USP32: variants seen among roughly 807,000 people sequenced by gnomAD.
USP32 encodes ubiquitin carboxyl-terminal hydrolase 32.
A neutral mutation model predicts 204.8 loss-of-function variants in USP32; 59 were observed. The observed-to-expected ratio is 0.29, with a 90% CI of 0.23 to 0.36. The LOEUF (loss-of-function observed/expected upper bound fraction) is 0.36, where lower values mean the gene tolerates loss of function less well. Among genes scored for constraint, USP32 ranks in the 10% least tolerant of loss-of-function variants. The probability of loss-of-function intolerance (pLI) is 1.00; values close to 1 mark genes in which losing one functional copy is unlikely to be tolerated. For missense variants in USP32, 1,160 were observed against 1,946.4 expected, an observed-to-expected ratio of 0.60 and a Z score of 7.60; for synonymous variants, 517 against 678.4, an observed-to-expected ratio of 0.76 and a Z score of 3.70.
chr17:60,365,083 G>A (rs963712014), intron 1 of USP32, among the ~76,000 whole-genome samples: 13 of 152,112 alleles, frequency 8.5e-5, no homozygotes, highest in Non-Finnish European at 1.5e-4. Context: ...AAAAGGGAAA[G>A]TTTTTTTTAA....
intron 5 of USP32, among the ~76,000 whole-genome samples, chr17:60,287,895 C>T (rs758432644): frequency 1.1e-4 from 16 of 151,952 alleles, no homozygotes; most frequent in Non-Finnish European, 2.1e-4. Context: ...GTGTGGATCA[C>T]GAGGTCAGGA....
chr17:60,332,289 A>G (rs2088407458), intron 2 of USP32, among the ~76,000 whole-genome samples: 1 of 151,900 alleles, frequency 6.6e-6, no homozygotes, highest in South Asian at 2.1e-4. Flanking sequence ...CGGTTTTGTC[A>G]TGCATATATA....
intron 1 of USP32, among the ~76,000 whole-genome samples, chr17:60,375,178 C>T (rs1277934745): frequency 6.6e-6 from 1 of 151,914 alleles, no homozygotes; most frequent in Non-Finnish European, 1.5e-5. Context: ...TATGAAGCTC[C>T]CTCCTTCTCT....
chr17:60,292,425 C>A (rs1307779426), intron 4 of USP32, among the ~76,000 whole-genome samples: 1 of 152,152 alleles, frequency 6.6e-6, no homozygotes, highest in East Asian at 1.9e-4. Flanking sequence ...AGTGTAATTA[C>A]AACTTTCTTG....
At chr17:60,181,184 T>G in intron 32 of USP32, 140 bp downstream of exon 32, 2 of 1,167,338 alleles carry the variant, frequency 1.7e-6, no homozygotes, top group Non-Finnish European at 2.4e-6. Context: ...AGGCCAAGAT[T>G]TCTGTGTTAA....
chr17:60,339,286 C>T (rs1305304708), intron 2 of USP32, among the ~76,000 whole-genome samples: 1 of 151,842 alleles, frequency 6.6e-6, no homozygotes, highest in Non-Finnish European at 1.5e-5. Context: ...CACATAAGTG[C>T]TAAAAGGTAT....
intron 1 of USP32, among the ~76,000 whole-genome samples, chr17:60,351,955 A>C (rs1381582445): frequency 6.6e-6 from 1 of 152,176 alleles, no homozygotes; most frequent in Non-Finnish European, 1.5e-5. Flanking sequence ...AAAAAAACGC[A>C]AAGGGCTATT....
rs1216419899 is a variant in USP32, at chr17:60,221,820, C to T, written c.1749+589G>A. Among the ~76,000 whole-genome samples the T allele has an allele frequency of 2.6e-5, 4 of 152,208 alleles. No individual in the cohort carries two copies. In the East Asian group the frequency reaches 7.7e-4, roughly 29 times the overall value. Reference sequence around the variant, plus strand: ...TCTTAATATACCAAAACAAATCCCACCAAAACATCTTGTTATATTTTACTT... The same window carrying T: ...TCTTAATATACCAAAACAAATCCCATCAAAACATCTTGTTATATTTTACTT... On this transcript the variant is annotated intron_variant, in intron 15 of 33. Transcript: ENST00000300896.
chr17:60,231,397 T>G, intron 12 of USP32: 1 of 327,654 alleles, frequency 3.1e-6, no homozygotes, highest in African/African-American at 2.1e-5. Flanking sequence ...CTAGATAAAG[T>G]AATAAAATAA....
At chr17:60,185,747 T>G in intron 29 of USP32, 96 bp from the exon 30 acceptor site, 1 of 1,407,326 alleles carries the variant, frequency 7.1e-7, no homozygotes, top group South Asian at 1.4e-5. Context: ...TCACCCTTAT[T>G]TTACTCTATA....
chr17:60,399,247 T>A (rs1219821757), intron 1 of USP32, among the ~76,000 whole-genome samples: 1 of 152,152 alleles, frequency 6.6e-6, no homozygotes, highest in Non-Finnish European at 1.5e-5. Context: ...TCTCATGGAA[T>A]TTATATTCTA....
chr17:60,207,709 C>T (rs1255549205), intron 24 of USP32: 1 of 179,768 alleles, frequency 5.6e-6, no homozygotes, highest in African/African-American at 2.4e-5. Flanking sequence ...ATTCTAGTAA[C>T]AGCGGTAATA....
At chr17:60,325,633 A>G (rs1307087406) in intron 2 of USP32, among the ~76,000 whole-genome samples, 1 of 152,130 alleles carries the variant, frequency 6.6e-6, no homozygotes, top group East Asian at 1.9e-4. Context: ...TTATTTTAAA[A>G]TAACAGTAAA....
At chr17:60,397,577 G>A (rs985762255) in intron 1 of USP32, among the ~76,000 whole-genome samples, 1 of 152,042 alleles carries the variant, frequency 6.6e-6, no homozygotes, top group Non-Finnish European at 1.5e-5. Context: ...GCCCAGGCTG[G>A]TCTCAAACTC....
chr17:60,407,488 G>A (rs565905333), intron 1 of USP32, among the ~76,000 whole-genome samples: 9 of 152,218 alleles, frequency 5.9e-5, no homozygotes, highest in South Asian at 2.1e-4. Context: ...TAAAGTACAC[G>A]CTAGAACTGC....
chr17:60,324,744 T>C lies in USP32; in HGVS notation c.186+20737A>G, dbSNP rs139460054. Among the ~76,000 whole-genome samples the C allele has an allele frequency of 7.8e-4, 119 of 152,338 alleles. 7 individuals are homozygous for C. In the East Asian group the frequency reaches 0.01, roughly 13 times the overall value. ...TAGGCCAGGCATGGTGGCTCACATC[T>C]GTAATCCCAGCATTTTGGGAGGCTG... On this transcript the variant is annotated intron_variant, in intron 2 of 33. Coordinates refer to ENST00000300896, the MANE Select transcript of USP32 (RefSeq NM_032582.4).
intron 2 of USP32, among the ~76,000 whole-genome samples, chr17:60,313,605 A>G (rs1267235969): frequency 1.3e-5 from 2 of 152,108 alleles, no homozygotes; most frequent in African/African-American, 4.8e-5. Flanking sequence ...AAAGCGGAAT[A>G]GTACCCAAAG....
chr17:60,384,546 C>G (rs1455512771), intron 1 of USP32, among the ~76,000 whole-genome samples: 2 of 152,134 alleles, frequency 1.3e-5, no homozygotes, highest in Admixed American at 1.3e-4. Flanking sequence ...AATCCCAGCA[C>G]TTTGGGAGGC....
chr17:60,358,572 T>C (rs1279192178), intron 1 of USP32, among the ~76,000 whole-genome samples: 1 of 151,898 alleles, frequency 6.6e-6, no homozygotes, highest in Admixed American at 6.6e-5. Context: ...AGACTCTGTC[T>C]CAAAAAAACA....
Sources: gnomAD v4.1 joint callset for allele counts (sites outside exome capture counted in the v4.1 genomes callset) on GRCh38, gnomAD v4.1.1 for gene constraint, MANE v1.5 for transcripts, NCBI Gene and HGNC (gene_info 2026-07-23, HGNC 2026-07-21) for gene names.